Variants in SV2C observed in about 807,000 individuals in gnomAD.
SV2C encodes the protein synaptic vesicle glycoprotein 2C.
In SV2C, 49 loss-of-function variants were observed where a neutral mutation model predicts 79.7. The observed-to-expected ratio is 0.61, with a 90% confidence interval of 0.49 to 0.78. SV2C has a LOEUF of 0.78. Among genes scored for constraint, SV2C ranks in the 30% least tolerant of loss-of-function variants. The pLI, the probability that SV2C is intolerant of heterozygous loss-of-function variation, is 0.00. For synonymous variants in SV2C, 334 were observed against 333.2 expected, an observed-to-expected ratio of 1.00 and a Z score of -0.03; for missense variants, 833 against 912.9, an observed-to-expected ratio of 0.91 and a Z score of 1.13.
At chr5:76,286,521 T>G (rs965807181) in intron 6 of SV2C, among the ~76,000 whole-genome samples, 2 of 152,130 alleles carry the variant, frequency 1.3e-5, no homozygotes, top group African/African-American at 4.8e-5. Flanking sequence ...GGTAAAATTA[T>G]TTATTGAAAA....
chr5:75,972,714 T>G, the SV2C span, among the ~76,000 whole-genome samples: 2 of 152,026 alleles, frequency 1.3e-5, no homozygotes, highest in African/African-American at 4.8e-5. Flanking sequence ...CAGGAACACT[T>G]TTACACTCTT....
At chr5:76,087,866 TAG>T (rs1262319860) in intron 1 of SV2C, among the ~76,000 whole-genome samples, 1 of 152,190 alleles carries the variant, frequency 6.6e-6, no homozygotes, top group Admixed American at 6.5e-5. Context: ...GTAAAAGCCA[TAG>T]GAGTGAGTGA....
chr5:76,315,875 C>T (rs1349926968), intron 12 of SV2C, among the ~76,000 whole-genome samples: 2 of 152,196 alleles, frequency 1.3e-5, no homozygotes, highest in Admixed American at 1.3e-4. Context: ...TTGCTGGCCT[C>T]AGTATCCCCT....
intron 2 of SV2C, among the ~76,000 whole-genome samples, chr5:76,181,069 G>A (rs760963310): frequency 6.8e-6 from 1 of 146,670 alleles, no homozygotes; most frequent in African/African-American, 2.6e-5. Flanking sequence ...CCCAGCCTTG[G>A]TGTTACACTT....
the SV2C span, among the ~76,000 whole-genome samples, chr5:75,869,075 A>G: frequency 1.3e-5 from 2 of 152,318 alleles, no homozygotes; most frequent in East Asian, 3.9e-4. Context: ...CTTGTACTTT[A>G]GGTACCCGCT....
chr5:76,254,208 A>G (rs1044500973), intron 4 of SV2C, among the ~76,000 whole-genome samples: 3 of 146,708 alleles, frequency 2.0e-5, no homozygotes, highest in Non-Finnish European at 4.5e-5. Flanking sequence ...ATATGTGTGT[A>G]TATATATGTG....
the SV2C span, among the ~76,000 whole-genome samples, chr5:75,992,688 G>T: frequency 1.3e-3 from 191 of 152,116 alleles, 1 homozygote; most frequent in East Asian, 0.033. Context: ...GTAAATCCGT[G>T]TGACATTTCA....
Position 76,163,107 on chromosome 5 carries a change from C to T in SV2C, c.580+30777C>T, listed in dbSNP as rs574894699. Reference sequence around the variant, plus strand: ...CCAGAAAACCTGGGCCTGACCCTGCCCAGTCCCGCCTTGGTGCTCCATTAG... The same window carrying T: ...CCAGAAAACCTGGGCCTGACCCTGCTCAGTCCCGCCTTGGTGCTCCATTAG... On this transcript the variant is annotated intron_variant, in intron 2 of 12. Coordinates refer to ENST00000502798, the MANE Select transcript of SV2C (RefSeq NM_014979.4). Among the ~76,000 whole-genome samples the T allele has an allele frequency of 2.2e-4, 33 of 152,324 alleles. 1 individual carries two copies. Among genetic ancestry groups the T allele is most frequent in the African/African-American group, 7.9e-4 (33 of 41,554 alleles).
At chr5:75,994,134 T>C in the SV2C span, among the ~76,000 whole-genome samples, 1 of 152,130 alleles carries the variant, frequency 6.6e-6, no homozygotes, top group Non-Finnish European at 1.5e-5. Flanking sequence ...TGCTTCTATT[T>C]TTATCCCAAT....
At chr5:76,204,949 C>A (rs899725961) in intron 3 of SV2C, among the ~76,000 whole-genome samples, 1 of 152,208 alleles carries the variant, frequency 6.6e-6, no homozygotes, top group Non-Finnish European at 1.5e-5. Context: ...TCCTGTTGTG[C>A]TAAACTGGTT....
chr5:76,055,389 T>G, the SV2C span, among the ~76,000 whole-genome samples: 3,817 of 152,308 alleles, frequency 0.025, 175 homozygotes, highest in African/African-American at 0.088. Flanking sequence ...CATGCTGTTT[T>G]GGTTACTGTA....
the SV2C span, among the ~76,000 whole-genome samples, chr5:75,856,575 G>C: frequency 6.6e-6 from 1 of 152,106 alleles, no homozygotes; most frequent in Non-Finnish European, 1.5e-5. Flanking sequence ...ATGCCTGTTT[G>C]CCATTTGTAT....
At chr5:76,283,585 GT>G (rs1039649122) in intron 4 of SV2C, among the ~76,000 whole-genome samples, 3 of 152,034 alleles carry the variant, frequency 2.0e-5, no homozygotes, top group Non-Finnish European at 4.4e-5. Context: ...CCATCATAGG[GT>G]TTTTTTCTGC....
the SV2C span, among the ~76,000 whole-genome samples, chr5:75,886,328 G>A: frequency 2.1e-4 from 32 of 152,114 alleles, no homozygotes; most frequent in Non-Finnish European, 3.7e-4. Context: ...TGTCTTTTAC[G>A]TTCCCCTTCC....
intron 2 of SV2C, among the ~76,000 whole-genome samples, chr5:76,160,624 A>G (rs1159663990): frequency 6.6e-6 from 1 of 152,204 alleles, no homozygotes; most frequent in Admixed American, 6.5e-5. Context: ...GAATGGGAGA[A>G]AATATTTTCA....
chr5:75,929,809 G>A, the SV2C span, among the ~76,000 whole-genome samples: 105 of 152,168 alleles, frequency 6.9e-4, no homozygotes, highest in Middle Eastern at 0.027. Flanking sequence ...TGCTCATTAA[G>A]CATGGTTATT....
the SV2C span, among the ~76,000 whole-genome samples, chr5:76,072,107 T>G: frequency 1.3e-5 from 2 of 152,098 alleles, no homozygotes; most frequent in African/African-American, 4.8e-5. Flanking sequence ...TTTAACTAAA[T>G]TTTAAAAAAA....
At chr5:75,980,802 C>T in the SV2C span, among the ~76,000 whole-genome samples, 1 of 152,024 alleles carries the variant, frequency 6.6e-6, no homozygotes, top group African/African-American at 2.4e-5. Flanking sequence ...AAAACCGGCA[C>T]AAGGAAAGGA....
At chr5:75,876,690 T>C in the SV2C span, among the ~76,000 whole-genome samples, 2 of 151,828 alleles carry the variant, frequency 1.3e-5, no homozygotes, top group East Asian at 1.9e-4. Flanking sequence ...GAGGGAGAAA[T>C]GGAATAGAGC....
Sources: gnomAD v4.1 joint callset for allele counts (sites outside exome capture counted in the v4.1 genomes callset) on GRCh38, gnomAD v4.1.1 for gene constraint, MANE v1.5 for transcripts, NCBI Gene and HGNC (gene_info 2026-07-23, HGNC 2026-07-21) for gene names.